MSH3: variants seen among roughly 807,000 people sequenced by gnomAD.
MSH3 encodes the protein mutS homolog 3, also known as DNA mismatch repair protein Msh3.
In MSH3, 106 loss-of-function variants were observed where a neutral mutation model predicts 123.3. The observed-to-expected ratio is 0.86, with a 90% confidence interval of 0.73 to 1.01. The LOEUF (loss-of-function observed/expected upper bound fraction) is 1.01, where lower values mean the gene tolerates loss of function less well. MSH3 is among the 50% of genes least tolerant of loss of function. The pLI is 0.00. For synonymous variants in MSH3, 515 were observed against 481.4 expected (o/e 1.07, Z -0.91); for missense variants, 1,459 against 1,347.6 (o/e 1.08, Z -1.29).
At chr5:80,757,110 T>C (rs752485203) in intron 12 of MSH3, among the ~76,000 whole-genome samples, 1 of 151,572 alleles carries the variant, frequency 6.6e-6, no homozygotes, top group South Asian at 2.1e-4. Context: ...GGTAGGTACA[T>C]AGTAGGTCTA....
intron 1 of MSH3, chr5:80,655,295 T>C (rs76843217): frequency 4.5e-4 from 116 of 255,372 alleles, no homozygotes; most frequent in African/African-American, 2.4e-3. Flanking sequence ...TTTTTTTTTT[T>C]CCTTGGTGGT....
At chr5:80,785,708 A>G (rs2112017680) in intron 17 of MSH3, among the ~76,000 whole-genome samples, 1 of 152,280 alleles carries the variant, frequency 6.6e-6, no homozygotes, top group South Asian at 2.1e-4. Context: ...TTATTGCGGC[A>G]TTATTCACAA....
At chr5:80,779,340 C>T (rs1282821287) in intron 17 of MSH3, among the ~76,000 whole-genome samples, 1 of 152,080 alleles carries the variant, frequency 6.6e-6, no homozygotes, top group African/African-American at 2.4e-5. Context: ...ACCCTCTATA[C>T]ACCCTTCACC....
intron 20 of MSH3, among the ~76,000 whole-genome samples, chr5:80,849,418 T>C (rs1435383670): frequency 6.6e-6 from 1 of 152,232 alleles, no homozygotes; most frequent in Non-Finnish European, 1.5e-5. Flanking sequence ...CACATTTCCC[T>C]TCTGTACTGC....
At chr5:80,685,659 T>A (rs938652357) in intron 8 of MSH3, among the ~76,000 whole-genome samples, 4 of 152,110 alleles carry the variant, frequency 2.6e-5, no homozygotes, top group Non-Finnish European at 5.9e-5. Context: ...TTCATTTATT[T>A]CTGCTCTGAT....
intron 12 of MSH3, among the ~76,000 whole-genome samples, chr5:80,754,289 T>C (rs1000516004): frequency 2.0e-5 from 3 of 152,062 alleles, no homozygotes; most frequent in African/African-American, 7.2e-5. Flanking sequence ...GAATTTTATA[T>C]ATATATATAT....
chr5:80,762,464 C>G (rs1198642523), intron 13 of MSH3, among the ~76,000 whole-genome samples: 1 of 151,520 alleles, frequency 6.6e-6, no homozygotes, highest in South Asian at 2.1e-4. Flanking sequence ...TAAAATGCTG[C>G]AACCACTTGA....
At chr5:80,868,074 C>G (rs1746136245) in intron 22 of MSH3, among the ~76,000 whole-genome samples, 2 of 152,086 alleles carry the variant, frequency 1.3e-5, no homozygotes. Context: ...AGTGAGATAC[C>G]TTCTCACACC....
chr5:80,783,788 A>G (rs939873007), intron 17 of MSH3, among the ~76,000 whole-genome samples: 5 of 152,214 alleles, frequency 3.3e-5, no homozygotes, highest in African/African-American at 9.6e-5. Context: ...AGGCAAGGGC[A>G]GAAATACCAA....
intron 8 of MSH3, among the ~76,000 whole-genome samples, chr5:80,709,361 G>A (rs1161444872): frequency 1.3e-5 from 2 of 151,986 alleles, no homozygotes; most frequent in Non-Finnish European, 2.9e-5. Flanking sequence ...GGTGGCTTAC[G>A]CCTGTAATCC....
intron 15 of MSH3, among the ~76,000 whole-genome samples, chr5:80,772,189 A>C (rs1317889722): frequency 1.3e-5 from 2 of 152,198 alleles, no homozygotes; most frequent in South Asian, 2.1e-4. Flanking sequence ...GGAAAAAGAA[A>C]AATATTGGAA....
chr5:80,663,759 T>C (rs1240072570), intron 2 of MSH3, among the ~76,000 whole-genome samples: 1 of 149,702 alleles, frequency 6.7e-6, no homozygotes, highest in Non-Finnish European at 1.5e-5. Flanking sequence ...GGTTTAAATA[T>C]AAATAGGGAA....
intron 20 of MSH3, among the ~76,000 whole-genome samples, chr5:80,823,205 T>C (rs1243539954): frequency 6.6e-6 from 1 of 152,210 alleles, no homozygotes; most frequent in Non-Finnish European, 1.5e-5. Flanking sequence ...TATGGCTTTA[T>C]GGTCATTTTT....
chr5:80,827,564 C>G (rs201007325), intron 20 of MSH3, among the ~76,000 whole-genome samples: 6 of 108,084 alleles, frequency 5.6e-5, no homozygotes, highest in African/African-American at 2.3e-4. Flanking sequence ...TTGTAAATAC[C>G]AGTACTAAAA....
intron 4 of MSH3, among the ~76,000 whole-genome samples, chr5:80,671,708 G>C (rs1219189419): frequency 6.6e-6 from 1 of 152,144 alleles, no homozygotes; most frequent in Non-Finnish European, 1.5e-5. Flanking sequence ...AAGCCATGGT[G>C]CTTTCTAGAG....
At chr5:80,700,619 T>C (rs1159024078) in intron 8 of MSH3, among the ~76,000 whole-genome samples, 1 of 152,162 alleles carries the variant, frequency 6.6e-6, no homozygotes, top group Non-Finnish European at 1.5e-5. Context: ...TTTTAATGGA[T>C]GTGCTTAACT....
intron 18 of MSH3, among the ~76,000 whole-genome samples, chr5:80,790,815 T>C (rs530196101): frequency 6.6e-6 from 1 of 152,340 alleles, no homozygotes; most frequent in Admixed American, 6.5e-5. Context: ...CCTTTCATAA[T>C]TATTAGCTTA....
chr5:80,813,182 A>G (rs549551253), intron 19 of MSH3, among the ~76,000 whole-genome samples: 16 of 152,336 alleles, frequency 1.1e-4, no homozygotes, highest in African/African-American at 3.8e-4. Context: ...GCTGCCAAAA[A>G]TTACATGTGC....
At chr5:80,841,468 A>G (rs1412615033) in intron 20 of MSH3, among the ~76,000 whole-genome samples, 3 of 152,230 alleles carry the variant, frequency 2.0e-5, no homozygotes, top group Admixed American at 2.0e-4. Context: ...TAGATCCTTG[A>G]GGAATCGCCA....
Sources: gnomAD v4.1 joint callset for allele counts (sites outside exome capture counted in the v4.1 genomes callset) on GRCh38, gnomAD v4.1.1 for gene constraint, MANE v1.5 for transcripts, NCBI Gene and HGNC (gene_info 2026-07-23, HGNC 2026-07-21) for gene names.